The following GFPT1 variants were observed in gnomAD, a reference collection of about 807,000 sequenced individuals.
The protein encoded by GFPT1 is glutamine--fructose-6-phosphate aminotransferase [isomerizing] 1.
Under a neutral mutation model 92.0 loss-of-function variants are expected in GFPT1, and 40 were observed. The ratio of observed to expected loss-of-function variants is 0.43; its 90% CI spans 0.34 to 0.57. The LOEUF is 0.57. Among genes scored for constraint, GFPT1 ranks in the 20% least tolerant of loss-of-function variants. The probability of loss-of-function intolerance (pLI) is 0.02; values close to 1 mark genes in which losing one functional copy is unlikely to be tolerated. For missense variants in GFPT1, 448 were observed against 869.1 expected (o/e 0.52, Z 6.09); for synonymous variants, 269 against 280.6 (o/e 0.96, Z 0.41).
intron 13 of GFPT1, among the ~76,000 whole-genome samples, chr2:69,339,712 C>T (rs993877803): frequency 3.6e-4 from 54 of 152,080 alleles, no homozygotes; most frequent in African/African-American, 1.2e-3. Context: ...ATTTCATAGC[C>T]CTTAACTTTT....
At chr2:69,379,196 G>A (rs560368850) in intron 1 of GFPT1, among the ~76,000 whole-genome samples, 47 of 152,216 alleles carry the variant, frequency 3.1e-4, no homozygotes, top group Admixed American at 1.5e-3. Context: ...GATAACTACT[G>A]TTATTCCCAT....
At chr2:69,340,739 G>C (rs951612087) in intron 13 of GFPT1, among the ~76,000 whole-genome samples, 3 of 151,958 alleles carry the variant, frequency 2.0e-5, no homozygotes, top group Non-Finnish European at 4.4e-5. Context: ...AACCACAGGG[G>C]GATTTCTAAT....
chr2:69,326,183 T>TA lies in GFPT1; in HGVS notation c.*5dup. Reference sequence around the variant, plus strand: ...TACAGTTTCGTACATTTTGTATAGATATTCCTCACTCTACAGTCACAGATT... The same window carrying TA: ...TACAGTTTCGTACATTTTGTATAGATAATTCCTCACTCTACAGTCACAGATT... On this transcript the variant is annotated 3_prime_UTR_variant, in exon 20 of 20. Coordinates refer to ENST00000357308, the MANE Select transcript of GFPT1 (RefSeq NM_001244710.2). 1 of 1,563,198 alleles carries TA rather than the reference T, an allele frequency of 6.4e-7. No homozygotes were observed. The highest frequency in any genetic ancestry group is 1.7e-5 in the Admixed American group (1 of 59,874).
rs1350655789 is a variant in GFPT1 at position 69,324,212 on chromosome 2, T to C, written c.*1977A>G. 1 of 152,200 alleles carries C rather than the reference T, an allele frequency of 6.6e-6. No homozygotes were observed. The highest frequency in any genetic ancestry group is 6.5e-5 in the Admixed American group (1 of 15,280). 9.4% of individuals were successfully genotyped at this position (152,200 alleles called of 1,614,324 possible). A position where few individuals can be genotyped will look rare whatever the true frequency, so the allele number is the denominator to read the frequency against. On this transcript the variant is annotated 3_prime_UTR_variant, in exon 20 of 20. Coordinates refer to ENST00000357308, the MANE Select transcript of GFPT1 (RefSeq NM_001244710.2). ...AGCTTTCAGTATATTTGTGTGTGTG[T>C]GTGTACACATGTGCTTTATAGAAAG...
intron 1 of GFPT1, among the ~76,000 whole-genome samples, chr2:69,383,410 G>A (rs2104704743): frequency 6.6e-6 from 1 of 152,206 alleles, no homozygotes; most frequent in East Asian, 1.9e-4. Context: ...TTCATATCCA[G>A]TATATGTAAG....
intron 19 of GFPT1, 42 bp downstream of exon 19, chr2:69,326,872 T>C (rs1670544074): frequency 2.5e-6 from 4 of 1,596,038 alleles, no homozygotes; most frequent in Admixed American, 1.7e-5. Flanking sequence ...TGTATCCAGG[T>C]AAAAAACCAT....
rs1463544616 is a variant in GFPT1, at chr2:69,354,289, A to C, written c.709T>G (p.Phe237Val). Residue 237 changes from phenylalanine (F) to valine (V), a missense_variant, in exon 9 of 20, where the codon TTC becomes GTC. Transcript: ENST00000357308. ...RTARTQIGSKFTRWGSQGERG... is the reference protein window; with the variant it reads ...RTARTQIGSKVTRWGSQGERG... ...TCTCCCTGTGATCCCCACCGTGTGAATTTTGATCCAATCTGAGTCCTAGCT... is the reference window on the plus strand; with the variant it reads ...TCTCCCTGTGATCCCCACCGTGTGACTTTTGATCCAATCTGAGTCCTAGCT... The C allele has an allele frequency of 3.1e-6, 5 of 1,592,580 alleles. No individual in the cohort carries two copies. Among genetic ancestry groups the C allele is most frequent in the Non-Finnish European group, 4.3e-6 (5 of 1,176,350 alleles).
intron 13 of GFPT1, among the ~76,000 whole-genome samples, chr2:69,339,283 C>T (rs1670878227): frequency 6.6e-6 from 1 of 152,084 alleles, no homozygotes; most frequent in East Asian, 1.9e-4. Context: ...AAAAATTAAA[C>T]ACTTTAAAAG....
chr2:69,387,005 G>A lies in GFPT1; in HGVS notation c.7+60C>T. 4 of 1,319,184 alleles carry A rather than the reference G, an allele frequency of 3.0e-6. No individual in the cohort carries two copies. In the Admixed American group the frequency reaches 5.9e-5, roughly 19 times the overall value. The allele number at this position is 1,319,184 out of a possible 1,614,324, so 81.7% of individuals were successfully genotyped here. A position where few individuals can be genotyped will look rare whatever the true frequency, so the allele number is the denominator to read the frequency against. The stretch of plus-strand genomic sequence containing the variant: ...CCGCCCGTCGCCTTGGGCCTTAGCG[G>A]CACCCGCACCGCACCCCAGCGCCAC... On this transcript the variant is annotated intron_variant, in intron 1 of 19. Transcript: ENST00000357308.
intron 1 of GFPT1, among the ~76,000 whole-genome samples, chr2:69,383,917 C>T (rs543995571): frequency 3.3e-5 from 5 of 152,284 alleles, no homozygotes; most frequent in African/African-American, 9.6e-5. Flanking sequence ...CGTGAGCCAC[C>T]GCGCCCATCC....
chr2:69,350,926 A>C (rs1671190796), intron 9 of GFPT1, among the ~76,000 whole-genome samples: 1 of 152,018 alleles, frequency 6.6e-6, no homozygotes, highest in South Asian at 2.1e-4. Flanking sequence ...AAAAAAGAAA[A>C]AGAAAATGAA....
In GFPT1 at chr2:69,322,383, A is replaced by AT. The variant is rs35829957; in HGVS notation, c.*3805dup. The AT allele has an allele frequency of 1.3e-5, 2 of 152,080 alleles. No homozygotes were observed. Among genetic ancestry groups the AT allele is most frequent in the Non-Finnish European group, 2.9e-5 (2 of 67,994 alleles). 9.4% of individuals were successfully genotyped at this position (152,080 alleles called of 1,614,324 possible). A position where few individuals can be genotyped will look rare whatever the true frequency, so the allele number is the denominator to read the frequency against. ...TCTTTTATTGCTATGGTATATGCTA[A>AT]TTTTTTTAAAAGGGGAAAAAAAAAC... On this transcript the variant is annotated 3_prime_UTR_variant, in exon 20 of 20. Coordinates refer to ENST00000357308, the MANE Select transcript of GFPT1 (RefSeq NM_001244710.2).
chr2:69,330,267 T>C (rs1238886982), intron 15 of GFPT1, among the ~76,000 whole-genome samples: 1 of 152,192 alleles, frequency 6.6e-6, no homozygotes, highest in Non-Finnish European at 1.5e-5. Flanking sequence ...AATCTATCAC[T>C]ATTCTCCTTT....
At chr2:69,346,771 C>T (rs1441691688) in intron 11 of GFPT1, among the ~76,000 whole-genome samples, 1 of 151,842 alleles carries the variant, frequency 6.6e-6, no homozygotes, top group Non-Finnish European at 1.5e-5. Context: ...CTTTGTCACC[C>T]AGACTGAAGT....
chr2:69,358,132 A>C (rs562594185), intron 6 of GFPT1, among the ~76,000 whole-genome samples, 197 bp downstream of exon 6: 4 of 152,330 alleles, frequency 2.6e-5, no homozygotes, highest in African/African-American at 7.2e-5. Flanking sequence ...GAATGAAGTA[A>C]GTAGAATTTT....
chr2:69,326,774 G>C lies in GFPT1; in HGVS notation c.2055+140C>G, dbSNP rs982480550. Reference sequence around the variant, plus strand: ...GATGTTGTGATGTAACCTACAAATTGGGCCATGAAAATATAACAGGTGACA... The same window carrying C: ...GATGTTGTGATGTAACCTACAAATTCGGCCATGAAAATATAACAGGTGACA... On this transcript the variant is annotated intron_variant, in intron 19 of 19. Transcript: ENST00000357308. 9.9e-6 allele frequency: 8 copies of C among 809,726 alleles called. No individual in the cohort carries two copies. In the African/African-American group the frequency reaches 1.0e-4, roughly 10 times the overall value. The allele number at this position is 809,726 out of a possible 1,614,324, so 50.2% of individuals were successfully genotyped here.
intron 1 of GFPT1, among the ~76,000 whole-genome samples, chr2:69,380,614 T>G (rs999499909): frequency 6.6e-6 from 1 of 152,210 alleles, no homozygotes; most frequent in African/African-American, 2.4e-5. Context: ...AAAAAAAGCA[T>G]GTACTTCCTG....
At chr2:69,345,528 A>G (rs902217294) in intron 12 of GFPT1, among the ~76,000 whole-genome samples, 39 of 152,314 alleles carry the variant, frequency 2.6e-4, no homozygotes, top group African/African-American at 4.8e-5. Flanking sequence ...CATTTTAACT[A>G]TGTTTAAATG....
intron 11 of GFPT1, 106 bp from the exon 12 acceptor site, chr2:69,346,105 C>A: frequency 1.4e-6 from 1 of 729,972 alleles, no homozygotes; most frequent in Non-Finnish European, 2.4e-6. Context: ...TAAAATATAA[C>A]AAAAGTTCAT....
Sources: gnomAD v4.1 joint callset for allele counts (sites outside exome capture counted in the v4.1 genomes callset) on GRCh38, gnomAD v4.1.1 for gene constraint, MANE v1.5 for transcripts, NCBI Gene and HGNC (gene_info 2026-07-23, HGNC 2026-07-21) for gene names.